KLF17: variants seen among roughly 807,000 people sequenced by gnomAD.
KLF17 encodes the protein Krueppel-like factor 17.
KLF17 carries 31 observed loss-of-function variants against 34.2 expected under a neutral mutation model. The ratio of observed to expected loss-of-function variants is 0.91; its 90% CI spans 0.68 to 1.22. The LOEUF (loss-of-function observed/expected upper bound fraction) is 1.22. Ranked by LOEUF, KLF17 falls within the 50% of genes most tolerant of loss-of-function variation. KLF17 has a pLI of 0.00. For missense variants in KLF17, 478 were observed against 505.2 expected (o/e 0.95, Z 0.52); for synonymous variants, 179 against 186.7 (o/e 0.96, Z 0.34).
At chr1:44,080,780 T>C in the KLF17 span, among the ~76,000 whole-genome samples, 31,195 of 144,132 alleles carry the variant, frequency 0.22, 4,188 homozygotes, top group African/African-American at 0.37. Flanking sequence ...GATGGCGTGA[T>C]CTCGGCTCAC....
the KLF17 span, among the ~76,000 whole-genome samples, chr1:44,056,287 G>C: frequency 6.6e-6 from 1 of 152,148 alleles, no homozygotes; most frequent in Non-Finnish European, 1.5e-5. Context: ...AGGATAGTGG[G>C]TTTCCCCCAG....
At chr1:44,127,363 C>T (rs2088021353) in intron 1 of KLF17, among the ~76,000 whole-genome samples, 1 of 152,086 alleles carries the variant, frequency 6.6e-6, no homozygotes, top group Admixed American at 6.5e-5. Flanking sequence ...TCCAGTGTCC[C>T]TTTCTTATCT....
the KLF17 span, among the ~76,000 whole-genome samples, chr1:44,094,416 G>T: frequency 1.3e-5 from 2 of 151,986 alleles, no homozygotes; most frequent in Admixed American, 1.3e-4. Context: ...AGAAATCTTT[G>T]CCAGACCAGT....
chr1:44,130,769 T>A lies in KLF17; in HGVS notation c.*13T>A, dbSNP rs2088099715. ...TGCTGGTCCTTAGGTCAGTCTCCTC[T>A]CCTCATTCTGGGTTTTCTTTTTCCT... is the stretch of plus-strand genomic sequence containing the variant. On this transcript the variant is annotated intron_variant, in intron 3 of 3. Coordinates refer to ENST00000372299, the MANE Select transcript of KLF17 (RefSeq NM_173484.4). The A allele has an allele frequency of 6.2e-7, 1 of 1,612,024 alleles. No individual in the cohort carries two copies. Among genetic ancestry groups the A allele is most frequent in the Admixed American group, 1.7e-5 (1 of 59,798 alleles).
chr1:44,100,057 G>A, the KLF17 span, among the ~76,000 whole-genome samples: 3 of 144,576 alleles, frequency 2.1e-5, no homozygotes, highest in Non-Finnish European at 4.5e-5. Flanking sequence ...CCAACATGGT[G>A]AAACCCCGTC....
chr1:44,129,684 C>T lies in KLF17; in HGVS notation c.413C>T (p.Pro138Leu), dbSNP rs2088079596. 6.2e-7 allele frequency: 1 copy of T among 1,614,160 alleles called. No individual in the cohort carries two copies. The highest frequency in any genetic ancestry group is 8.5e-7 in the Non-Finnish European group (1 of 1,180,028). The part of the protein sequence containing the change: ...SGPQLMPVGE[P>L]NIPRVARPFG... ...CCCCAACTAATGCCCGTAGGAGAGCCCAATATTCCAAGGGTAGCCAGGCCC... is the reference window on the plus strand; with the variant it reads ...CCCCAACTAATGCCCGTAGGAGAGCTCAATATTCCAAGGGTAGCCAGGCCC... Residue 138 changes from proline (P) to leucine (L), a missense_variant, in exon 2 of 4, where the codon CCC (proline) becomes CTC (leucine). Physicochemically the swap from Pro to Leu is moderately conservative, Grantham distance 98. Transcript: ENST00000372299.
the KLF17 span, chr1:44,103,322 T>A: frequency 2.7e-6 from 2 of 733,980 alleles, no homozygotes; most frequent in Non-Finnish European, 5.0e-6. Flanking sequence ...GGGCAGGACG[T>A]CAAAGGACTC....
At chr1:44,092,910 A>T in the KLF17 span, among the ~76,000 whole-genome samples, 1 of 152,218 alleles carries the variant, frequency 6.6e-6, no homozygotes, top group Non-Finnish European at 1.5e-5. Context: ...TTGAAACCAA[A>T]ATTCAAAAAT....
At chr1:44,066,701 T>C in the KLF17 span, among the ~76,000 whole-genome samples, 1 of 152,144 alleles carries the variant, frequency 6.6e-6, no homozygotes, top group Non-Finnish European at 1.5e-5. Flanking sequence ...CACAGGTACA[T>C]CAGAAGACAT....
chr1:44,073,209 CTTT>C, the KLF17 span, among the ~76,000 whole-genome samples: 5 of 137,766 alleles, frequency 3.6e-5, no homozygotes, highest in Non-Finnish European at 3.1e-5. Flanking sequence ...TCTTCTTCTT[CTTT>C]TTTTTTTTTT....
the KLF17 span, among the ~76,000 whole-genome samples, chr1:44,099,866 A>C: frequency 1.5e-5 from 1 of 64,628 alleles, no homozygotes; most frequent in Non-Finnish European, 3.6e-5. Flanking sequence ...AGAAAGAAAG[A>C]AAGAAAGAAA....
At chr1:44,068,009 C>T in the KLF17 span, among the ~76,000 whole-genome samples, 1 of 150,876 alleles carries the variant, frequency 6.6e-6, no homozygotes, top group East Asian at 1.9e-4. Flanking sequence ...CAGGAGAAGC[C>T]CTTTCCTCAG....
chr1:44,059,206 G>A, the KLF17 span, among the ~76,000 whole-genome samples: 1 of 152,196 alleles, frequency 6.6e-6, no homozygotes, highest in Admixed American at 6.5e-5. Context: ...TCAGCCAGAG[G>A]TGGTAATGTG....
the KLF17 span, among the ~76,000 whole-genome samples, chr1:44,064,943 A>C: frequency 3.9e-5 from 6 of 152,350 alleles, 1 homozygote; most frequent in African/African-American, 1.4e-4. Context: ...TTTAATGAGA[A>C]AGTGTGCTAA....
the KLF17 span, among the ~76,000 whole-genome samples, chr1:44,065,192 G>A: frequency 4.6e-5 from 7 of 151,882 alleles, no homozygotes. Context: ...GGAAGCTGAG[G>A]CAGGAGAATC....
Position 44,127,674 on chromosome 1 carries a change from C to CT in KLF17, c.82-1676dup, listed in dbSNP as rs774705801. On this transcript the variant is annotated intron_variant, in intron 1 of 3. Coordinates refer to ENST00000372299, the MANE Select transcript of KLF17 (RefSeq NM_173484.4). Reference sequence around the variant, plus strand: ...TCTTTCTTTCTTTCTTTCTTTCTTTCTTTCTTTCTTTCTTTCTTTTTCTTT... The same window carrying CT: ...TCTTTCTTTCTTTCTTTCTTTCTTTCTTTTCTTTCTTTCTTTCTTTTTCTTT... 5.6e-3 allele frequency among the ~76,000 whole-genome samples: 240 copies of CT among 42,672 alleles called. 3 individuals carry two copies. The highest frequency in any genetic ancestry group is 0.016 in the African/African-American group (227 of 13,758). The allele number at this position is 42,672 out of a possible 152,430, so 28.0% of individuals were successfully genotyped here. A position where few individuals can be genotyped will look rare whatever the true frequency, so the allele number is the denominator to read the frequency against.
chr1:44,118,250 T>A (rs891099311), upstream of KLF17, among the ~76,000 whole-genome samples: 12 of 151,192 alleles, frequency 7.9e-5, no homozygotes, highest in African/African-American at 3.0e-4. Context: ...GACTTTGTTC[T>A]GTCCTGTTTA....
rs770803321 is a variant in KLF17 at position 44,130,549 on chromosome 1, A to G, written c.963A>G (p.Ser321=). 23 of 1,614,072 alleles carry G rather than the reference A, an allele frequency of 1.4e-5. No individual in the cohort carries two copies. Among genetic ancestry groups the G allele is most frequent in the South Asian group, 5.5e-5 (5 of 91,076 alleles). The part of the protein sequence containing the change: ...RPYSCNWESC[S]WSFFRSDELR... ...ATTCTTGCAACTGGGAAAGTTGTTC[A>G]TGGTCTTTCTTCCGTTCTGATGAGC... Residue 321 remains serine, a synonymous_variant, in exon 3 of 4, where the codon TCA becomes TCG. Coordinates refer to ENST00000372299, the MANE Select transcript of KLF17 (RefSeq NM_173484.4).
rs1235780436 is a variant in KLF17, at chr1:44,130,523, T to C, written c.937T>C (p.Tyr313His). The C allele has an allele frequency of 6.2e-7, 1 of 1,614,128 alleles. No homozygotes were observed. Among genetic ancestry groups the C allele is most frequent in the South Asian group, 1.1e-5 (1 of 91,078 alleles). The stretch of plus-strand genomic sequence containing the variant: ...CTTGTCATTCCCAGGTGAGAGGCCA[T>C]ATTCTTGCAACTGGGAAAGTTGTTC... ...HQRKHTGERP[Y>H]SCNWESCSWS... Residue 313 changes from tyrosine to histidine, a missense_variant, in exon 3 of 4, where the codon TAT becomes CAT. Coordinates refer to ENST00000372299, the MANE Select transcript of KLF17 (RefSeq NM_173484.4).
Sources: allele counts gnomAD v4.1 joint callset (sites outside exome capture counted in the v4.1 genomes callset), GRCh38; gene constraint gnomAD v4.1.1; transcripts MANE v1.5; gene names NCBI Gene and HGNC (gene_info 2026-07-23, HGNC 2026-07-21).